The following SNTG2 variants were observed in gnomAD, a reference collection of about 807,000 sequenced individuals.
SNTG2 encodes the protein syntrophin gamma 2, also known as gamma-2-syntrophin.
In SNTG2, 74 loss-of-function variants were observed where a neutral mutation model predicts 70.9. The observed-to-expected ratio is 1.04, with a 90% CI of 0.86 to 1.27. The LOEUF (loss-of-function observed/expected upper bound fraction) is 1.27, where lower values mean the gene tolerates loss of function less well. Ranked by LOEUF, SNTG2 falls within the 50% of genes most tolerant of loss-of-function variation. The pLI, the probability that SNTG2 is intolerant of heterozygous loss-of-function variation, is 0.00. For synonymous variants in SNTG2, 278 were observed against 273.8 expected (o/e 1.02, Z -0.15); for missense variants, 717 against 690.7 (o/e 1.04, Z -0.43).
intron 1 of SNTG2, among the ~76,000 whole-genome samples, chr2:1,081,264 C>T (rs796465611): frequency 4.4e-4 from 67 of 152,266 alleles, no homozygotes; most frequent in African/African-American, 1.3e-3. Flanking sequence ...ATCAGGCGCC[C>T]GTGTGTGAGA....
intron 12 of SNTG2, among the ~76,000 whole-genome samples, chr2:1,255,915 T>TATAA (rs1265359227): frequency 5.8e-5 from 5 of 85,666 alleles, no homozygotes; most frequent in Non-Finnish European, 1.1e-4. Flanking sequence ...TAAATATATA[T>TATAA]ATAAATATAT....
chr2:1,188,036 T>A (rs1234318282), intron 8 of SNTG2, among the ~76,000 whole-genome samples: 1 of 152,252 alleles, frequency 6.6e-6, no homozygotes, highest in Non-Finnish European at 1.5e-5. Context: ...TAAATGCAGA[T>A]GGCTCTAACA....
chr2:1,055,357 G>C (rs1198545774), intron 1 of SNTG2, among the ~76,000 whole-genome samples: 1 of 152,148 alleles, frequency 6.6e-6, no homozygotes, highest in African/African-American at 2.4e-5. Flanking sequence ...CTGTTGCCTA[G>C]AGTGGGTACC....
chr2:1,318,243 T>C (rs1188217643), intron 16 of SNTG2, among the ~76,000 whole-genome samples: 2 of 152,206 alleles, frequency 1.3e-5, no homozygotes, highest in Non-Finnish European at 2.9e-5. Flanking sequence ...AATAGACTCA[T>C]GAACACATAC....
chr2:1,288,786 A>G (rs1679873076), intron 14 of SNTG2, among the ~76,000 whole-genome samples: 1 of 152,080 alleles, frequency 6.6e-6, no homozygotes, highest in Non-Finnish European at 1.5e-5. Context: ...ATGCACATTC[A>G]TGCAGGCATG....
intron 4 of SNTG2, among the ~76,000 whole-genome samples, chr2:1,106,058 C>G (rs376456626): frequency 0.15 from 17,358 of 113,618 alleles, 4,405 homozygotes; most frequent in East Asian, 0.29. Context: ...ATGGAGAGCT[C>G]CTTGGTAATA....
intron 16 of SNTG2, among the ~76,000 whole-genome samples, chr2:1,331,027 T>C (rs1659501169): frequency 6.6e-6 from 1 of 152,180 alleles, no homozygotes; most frequent in Non-Finnish European, 1.5e-5. Context: ...GAAGCTCCCA[T>C]CACCTTGGGG....
chr2:1,003,463 C>G (rs1222065185), intron 1 of SNTG2, among the ~76,000 whole-genome samples: 1 of 152,170 alleles, frequency 6.6e-6, no homozygotes, highest in Non-Finnish European at 1.5e-5. Context: ...CCATAATTAA[C>G]AGGGAGCATC....
chr2:1,173,832 G>T lies in SNTG2; in HGVS notation c.591+649G>T, dbSNP rs572806067. On this transcript the variant is annotated intron_variant, in intron 8 of 16. Transcript: ENST00000308624. ...CTCAGAAGCCTGGGCTCCAACTCCCGCAGGGTGACCTGTGAGCTGCGCCCC... is the reference window on the plus strand; with the variant it reads ...CTCAGAAGCCTGGGCTCCAACTCCCTCAGGGTGACCTGTGAGCTGCGCCCC... Among the ~76,000 whole-genome samples, 5 of 152,390 alleles carry T rather than the reference G, an allele frequency of 3.3e-5. No homozygotes were observed. The East Asian group carries it at 5.8e-4, about 18-fold the overall frequency.
At chr2:965,198 TCCTCCTGGTCCCCAATC>T in intron 1 of SNTG2, among the ~76,000 whole-genome samples, 1 of 53,214 alleles carries the variant, frequency 1.9e-5, no homozygotes, top group East Asian at 5.9e-4. Context: ...TCCCCAGTCC[TCCTCCTGGTCCCCAATC>T]CTCCTCCTGG....
At chr2:997,583 C>T (rs996547661) in intron 1 of SNTG2, among the ~76,000 whole-genome samples, 2 of 151,568 alleles carry the variant, frequency 1.3e-5, no homozygotes, top group African/African-American at 2.4e-5. Context: ...GGAGTGTGGG[C>T]GAGGTGGCCA....
At chr2:1,201,337 T>C (rs1673261775) in intron 8 of SNTG2, among the ~76,000 whole-genome samples, 1 of 151,738 alleles carries the variant, frequency 6.6e-6, no homozygotes, top group African/African-American at 2.4e-5. Context: ...TAGTAAGAGC[T>C]AAAAAAGTTG....
intron 1 of SNTG2, among the ~76,000 whole-genome samples, chr2:962,469 T>C (rs1286245779): frequency 6.6e-6 from 1 of 152,244 alleles, no homozygotes; most frequent in African/African-American, 2.4e-5. Flanking sequence ...CACATCACTC[T>C]CAGCTTCTTC....
At chr2:954,179 C>A (rs901262239) in intron 1 of SNTG2, among the ~76,000 whole-genome samples, 1 of 151,974 alleles carries the variant, frequency 6.6e-6, no homozygotes, top group African/African-American at 2.4e-5. Context: ...GGGCATGGGG[C>A]GGACACAGGC....
At position 1,257,805 on chromosome 2, in the gene SNTG2, T is replaced by C. The variant is rs184402309; in HGVS notation, c.1006-1565T>C. Among the ~76,000 whole-genome samples the C allele has an allele frequency of 6.6e-5, 10 of 152,338 alleles. No individual in the cohort carries two copies. The East Asian group carries it at 1.9e-3, about 29-fold the overall frequency. On this transcript the variant is annotated intron_variant, in intron 12 of 16. Coordinates refer to ENST00000308624, the MANE Select transcript of SNTG2 (RefSeq NM_018968.4). The stretch of plus-strand genomic sequence containing the variant: ...CGGAAATTCTAAGCTGTAGTTACAG[T>C]TGTATTTCTGAATAACATTTAATGA...
At chr2:1,120,554 AG>A (rs1417893810) in intron 4 of SNTG2, among the ~76,000 whole-genome samples, 3 of 152,188 alleles carry the variant, frequency 2.0e-5, no homozygotes, top group Admixed American at 6.5e-5. Context: ...AAGTGAAGAT[AG>A]GGAAACAATA....
chr2:1,265,320 C>T (rs752295802), intron 13 of SNTG2, among the ~76,000 whole-genome samples: 13 of 152,176 alleles, frequency 8.5e-5, no homozygotes, highest in Admixed American at 1.3e-4. Flanking sequence ...GGGTTAGCAA[C>T]GTATGCACAC....
In SNTG2 at chr2:1,138,182, C is replaced by G. The variant is rs141678122; in HGVS notation, c.411+373C>G. Among the ~76,000 whole-genome samples the G allele has an allele frequency of 3.5e-3, 538 of 152,324 alleles. 4 individuals are homozygous for G. The highest frequency in any genetic ancestry group is 0.012 in the African/African-American group (518 of 41,582). On this transcript the variant is annotated intron_variant, in intron 6 of 16. Transcript: ENST00000308624. ...GCTTCACAGGGTCTCCCCGTACCGC[C>G]CGGGCGCTGGAGCCTGCAGGGCCTT...
At chr2:1,288,821 C>T (rs1255580474) in intron 14 of SNTG2, among the ~76,000 whole-genome samples, 1 of 152,122 alleles carries the variant, frequency 6.6e-6, no homozygotes, top group African/African-American at 2.4e-5. Context: ...CATGCCACAC[C>T]CACTTTTGTG....
Sources: gnomAD v4.1 joint callset for allele counts (sites outside exome capture counted in the v4.1 genomes callset) on GRCh38, gnomAD v4.1.1 for gene constraint, MANE v1.5 for transcripts, NCBI Gene and HGNC (gene_info 2026-07-23, HGNC 2026-07-21) for gene names.